NT5M: variants seen among roughly 807,000 people sequenced by gnomAD.
NT5M encodes the protein 5',3'-nucleotidase, mitochondrial.
A neutral mutation model predicts 22.2 loss-of-function variants in NT5M; 22 were observed. That is an observed-to-expected ratio of 0.99 (90% CI 0.71 to 1.41). The LOEUF (loss-of-function observed/expected upper bound fraction) is 1.41. NT5M is among the 40% of genes most tolerant of loss of function. The pLI, the probability that NT5M is intolerant of heterozygous loss-of-function variation, is 0.00. For missense variants in NT5M, 322 were observed against 314.8 expected (o/e 1.02, Z -0.17); for synonymous variants, 167 against 133.0 (o/e 1.26, Z -1.76).
intron 3 of NT5M, among the ~76,000 whole-genome samples, chr17:17,325,449 A>G (rs919271172): frequency 3.3e-5 from 5 of 152,048 alleles, no homozygotes; most frequent in Non-Finnish European, 5.9e-5. Context: ...CCTCACTTCC[A>G]GCCTGTTGGT....
chr17:17,304,050 T>C, intron 1 of NT5M: 2 of 1,129,500 alleles, frequency 1.8e-6, no homozygotes, highest in Non-Finnish European at 2.2e-6. Context: ...GTACAAAGTG[T>C]TAATATACCT....
intron 2 of NT5M, among the ~76,000 whole-genome samples, chr17:17,314,875 C>G (rs1440833068): frequency 6.6e-6 from 1 of 152,236 alleles, no homozygotes; most frequent in Non-Finnish European, 1.5e-5. Flanking sequence ...GAGGCCTTCC[C>G]TGACCACTGC....
chr17:17,309,718 G>T (rs2048884943), intron 2 of NT5M, among the ~76,000 whole-genome samples: 1 of 142,070 alleles, frequency 7.0e-6, no homozygotes. Context: ...TTGAGACAGA[G>T]TTGCTGACCT....
chr17:17,323,390 T>G (rs1485087989), intron 3 of NT5M, 145 bp downstream of exon 3: 1 of 726,610 alleles, frequency 1.4e-6, no homozygotes, highest in African/African-American at 1.7e-5. Flanking sequence ...CCCAAGGACC[T>G]CTCCAGCCTG....
Position 17,303,558 on chromosome 17 carries a change from G to C in NT5M, c.8G>C (p.Arg3Pro). Residue 3 changes from arginine to proline, a missense_variant, in exon 1 of 5, where the codon CGG (arginine) becomes CCG (proline). Transcript: ENST00000389022. MIRLGGWCARRLC... is the reference protein window; with the variant it reads MIPLGGWCARRLC... ...GGGCCAGCGCGCTGGGCCATGATCC[G>C]GCTGGGCGGCTGGTGTGCGCGGCGG... 9.2e-7 allele frequency: 1 copy of C among 1,089,348 alleles called. No individual in the cohort carries two copies. Among genetic ancestry groups the C allele is most frequent in the Non-Finnish European group, 1.1e-6 (1 of 896,376 alleles). The allele number at this position is 1,089,348 out of a possible 1,614,324, so 67.5% of individuals were successfully genotyped here.
chr17:17,325,894 T>C (rs1203835649), intron 3 of NT5M, among the ~76,000 whole-genome samples: 1 of 152,320 alleles, frequency 6.6e-6, no homozygotes, highest in East Asian at 1.9e-4. Flanking sequence ...ATCTTGTTTT[T>C]TGGATGACAC....
chr17:17,320,868 G>T (rs898408845), intron 2 of NT5M, among the ~76,000 whole-genome samples: 1 of 152,198 alleles, frequency 6.6e-6, no homozygotes, highest in Admixed American at 6.5e-5. Flanking sequence ...GCTGGGCTGA[G>T]TACCTGTGGG....
intron 1 of NT5M, among the ~76,000 whole-genome samples, chr17:17,305,394 G>GCCCCCCCCCCCCCC (rs34579357): frequency 1.3e-3 from 100 of 74,088 alleles, no homozygotes; most frequent in East Asian, 2.6e-3. Flanking sequence ...TAAAACAACC[G>GCCCCCCCCCCCCCC]CCCCCCCCCC....
chr17:17,321,256 A>G (rs1044356579), intron 2 of NT5M, among the ~76,000 whole-genome samples: 2 of 152,024 alleles, frequency 1.3e-5, no homozygotes, highest in Non-Finnish European at 2.9e-5. Flanking sequence ...AATGAGGTTC[A>G]TGGAGGAGGA....
At position 17,346,964 on chromosome 17, in the gene NT5M, G is replaced by A; in HGVS notation, c.*17G>A. 6.2e-7 allele frequency: 1 copy of A among 1,609,678 alleles called. No homozygotes were observed. The highest frequency in any genetic ancestry group is 8.5e-7 in the Non-Finnish European group (1 of 1,179,750). On this transcript the variant is annotated 3_prime_UTR_variant, in exon 5 of 5. Coordinates refer to ENST00000389022, the MANE Select transcript of NT5M (RefSeq NM_020201.4). ...CCCTGCTGAGCTGGACTGTGCTTCG[G>A]GCTCCTCTGTGGGGCTCTGACCTCA... is the stretch of plus-strand genomic sequence containing the variant.
intron 2 of NT5M, among the ~76,000 whole-genome samples, chr17:17,321,715 G>T (rs961106869): frequency 6.6e-6 from 1 of 151,830 alleles, no homozygotes; most frequent in African/African-American, 2.4e-5. Flanking sequence ...GGATAGCTGG[G>T]CTCCTTCAGG....
chr17:17,335,953 G>T (rs1322140206), intron 3 of NT5M, among the ~76,000 whole-genome samples: 5 of 143,086 alleles, frequency 3.5e-5, no homozygotes, highest in Non-Finnish European at 7.6e-5. Flanking sequence ...AATTATTTTT[G>T]ATTATAGTCA....
chr17:17,344,723 C>A, intron 3 of NT5M, 71 bp from the exon 4 acceptor site: 2 of 1,570,498 alleles, frequency 1.3e-6, no homozygotes, highest in South Asian at 1.2e-5. Context: ...CCCCTGCCCT[C>A]GGCTCTTGGT....
At chr17:17,329,725 C>T (rs886150179) in intron 3 of NT5M, among the ~76,000 whole-genome samples, 2 of 152,080 alleles carry the variant, frequency 1.3e-5, no homozygotes, top group African/African-American at 4.8e-5. Flanking sequence ...CTTGTAATCC[C>T]ACCACTTTGG....
intron 3 of NT5M, among the ~76,000 whole-genome samples, chr17:17,334,382 G>A (rs929499969): frequency 8.6e-5 from 13 of 150,604 alleles, no homozygotes; most frequent in Admixed American, 2.6e-4. Flanking sequence ...TCACTGAAGT[G>A]TCATGGTAGC....
chr17:17,334,762 C>T (rs998996984), intron 3 of NT5M, among the ~76,000 whole-genome samples: 1 of 152,204 alleles, frequency 6.6e-6, no homozygotes, highest in African/African-American at 2.4e-5. Context: ...GCGTGAGCCA[C>T]TGTGCCTGGC....
intron 3 of NT5M, among the ~76,000 whole-genome samples, chr17:17,332,957 C>G (rs2145407757): frequency 6.6e-6 from 1 of 152,226 alleles, no homozygotes; most frequent in South Asian, 2.1e-4. Flanking sequence ...AAAATAAAGT[C>G]TCTTAAAAAA....
At chr17:17,310,727 A>C (rs896034452) in intron 2 of NT5M, among the ~76,000 whole-genome samples, 3 of 132,260 alleles carry the variant, frequency 2.3e-5, no homozygotes, top group Non-Finnish European at 4.7e-5. Flanking sequence ...GATCCCAGCT[A>C]CTTGGGAGGC....
chr17:17,319,845 C>T (rs1011061481), intron 2 of NT5M, among the ~76,000 whole-genome samples: 3 of 152,082 alleles, frequency 2.0e-5, no homozygotes, highest in Non-Finnish European at 4.4e-5. Flanking sequence ...TTAAATATTT[C>T]TTTCTTTCTT....
Sources: gnomAD v4.1 joint callset for allele counts (sites outside exome capture counted in the v4.1 genomes callset) on GRCh38, gnomAD v4.1.1 for gene constraint, MANE v1.5 for transcripts, NCBI Gene and HGNC (gene_info 2026-07-23, HGNC 2026-07-21) for gene names.